FAM86B2: variants seen among roughly 807,000 people sequenced by gnomAD.
The protein encoded by FAM86B2 is putative protein N-methyltransferase FAM86B2.
A neutral mutation model predicts 26.5 loss-of-function variants in FAM86B2; 1 was observed. The observed-to-expected ratio is 0.04, with a 90% CI of 0.01 to 0.18. The LOEUF is 0.18. FAM86B2 is among the 10% of genes least tolerant of loss of function. The probability of loss-of-function intolerance (pLI) is 1.00; values close to 1 mark genes in which losing one functional copy is unlikely to be tolerated. For synonymous variants in FAM86B2, 11 were observed against 127.8 expected (o/e 0.09, Z 6.17); for missense variants, 43 against 303.5 (o/e 0.14, Z 6.38).
At chr8:12,426,257 C>A (rs1469699065) in intron 7 of FAM86B2, among the ~76,000 whole-genome samples, 26 of 147,004 alleles carry the variant, frequency 1.8e-4, no homozygotes, top group Admixed American at 1.4e-4. Context: ...CACAGCAGGA[C>A]AGAAGCAGAG....
At chr8:12,428,406 G>A (rs1419984786) in intron 6 of FAM86B2, among the ~76,000 whole-genome samples, 15 of 152,184 alleles carry the variant, frequency 9.9e-5, no homozygotes, top group East Asian at 3.9e-4. Flanking sequence ...ATGTGGTGAC[G>A]ACTGTAACGG....
rs1812550236 is a variant in FAM86B2, at chr8:12,424,618, C to G, written c.*1271G>C. ...AGGGTGCTCACAGGGGAACGTACAG[C>G]ATGTAGAGGCCGGAAGGTGCTCCAG... On this transcript the variant is annotated 3_prime_UTR_variant, in exon 8 of 8. Transcript: ENST00000262365. Among the ~76,000 whole-genome samples the G allele has an allele frequency of 7.3e-6, 1 of 136,082 alleles. No individual in the cohort carries two copies. Among genetic ancestry groups the G allele is most frequent in the Non-Finnish European group, 1.6e-5 (1 of 62,078 alleles). 89.3% of individuals were successfully genotyped at this position (136,082 alleles called of 152,430 possible).
chr8:12,428,217 G>T (rs1201136085), intron 6 of FAM86B2, among the ~76,000 whole-genome samples: 3 of 137,730 alleles, frequency 2.2e-5, no homozygotes, highest in African/African-American at 7.9e-5. Context: ...TGGGACCCAG[G>T]ACTACAGGCA....
At position 12,424,986 on chromosome 8, in the gene FAM86B2, TG is replaced by T; in HGVS notation, c.*902del. The T allele has an allele frequency of 6.9e-7, 1 of 1,444,904 alleles. No individual in the cohort carries two copies. The highest frequency in any genetic ancestry group is 9.4e-7 in the Non-Finnish European group (1 of 1,061,000). The allele number at this position is 1,444,904 out of a possible 1,614,324, so 89.5% of individuals were successfully genotyped here. A position where few individuals can be genotyped will look rare whatever the true frequency, so the allele number is the denominator to read the frequency against. Reference sequence around the variant, plus strand: ...AGCTGGGTGCAGACTGTGCTCCCTTTGGTTATGGACACATAACTCCTGGGCC... The same window carrying T: ...AGCTGGGTGCAGACTGTGCTCCCTTTGTTATGGACACATAACTCCTGGGCC... On this transcript the variant is annotated 3_prime_UTR_variant, in exon 8 of 8. Transcript: ENST00000262365.
At chr8:12,429,487 ATTTT>A (rs146683582) in intron 4 of FAM86B2, among the ~76,000 whole-genome samples, 11 of 78,084 alleles carry the variant, frequency 1.4e-4, no homozygotes, top group African/African-American at 5.3e-4. Context: ...GTTTTATCTC[ATTTT>A]TTTTTTTTTG....
intron 7 of FAM86B2, among the ~76,000 whole-genome samples, chr8:12,426,434 T>G (rs1194342167): frequency 8.7e-5 from 12 of 137,490 alleles, no homozygotes; most frequent in Admixed American, 2.2e-4. Flanking sequence ...ATATTGCAGG[T>G]TTTTTTTCAC....
chr8:12,434,761 A>G (rs572157545), intron 1 of FAM86B2, among the ~76,000 whole-genome samples: 82 of 145,554 alleles, frequency 5.6e-4, no homozygotes, highest in African/African-American at 2.1e-3. Flanking sequence ...GGGCCTTTGC[A>G]TATCTTGTTC....
At chr8:12,428,299 C>T (rs3988752) in intron 6 of FAM86B2, among the ~76,000 whole-genome samples, 2 of 148,350 alleles carry the variant, frequency 1.3e-5, no homozygotes, top group South Asian at 2.2e-4. Flanking sequence ...CCCAGCCAAA[C>T]AGCACCTTCT....
intron 6 of FAM86B2, among the ~76,000 whole-genome samples, chr8:12,428,289 C>T (rs1193305007): frequency 4.8e-5 from 7 of 146,890 alleles, no homozygotes; most frequent in South Asian, 2.3e-4. Flanking sequence ...TTTTCGGTGG[C>T]CCAGCCAAAC....
intron 1 of FAM86B2, among the ~76,000 whole-genome samples, chr8:12,434,702 G>A (rs1798509919): frequency 7.0e-6 from 1 of 142,884 alleles, no homozygotes; most frequent in Non-Finnish European, 1.5e-5. Context: ...CAGCCACACT[G>A]GCTGCCTTGC....
intron 1 of FAM86B2, among the ~76,000 whole-genome samples, chr8:12,435,257 G>A (rs1269026690): frequency 1.6e-5 from 2 of 121,406 alleles, no homozygotes; most frequent in Admixed American, 8.5e-5. Context: ...GCCAGGATTC[G>A]AAGCAGGCAG....
At position 12,424,941 on chromosome 8, in the gene FAM86B2, A is replaced by ATCCCATCAGAGCTGCTGAGACTCTT; in HGVS notation, c.*947_*948insAAGAGTCTCAGCAGCTCTGATGGGA. The ATCCCATCAGAGCTGCTGAGACTCTT allele has an allele frequency of 6.5e-7, 1 of 1,547,624 alleles. No homozygotes were observed. Among genetic ancestry groups the ATCCCATCAGAGCTGCTGAGACTCTT allele is most frequent in the Non-Finnish European group, 8.7e-7 (1 of 1,145,060 alleles). ...TTCTGGAAGAACCTGCAAGAGTCTC[A>ATCCCATCAGAGCTGCTGAGACTCTT]GCAGCTCTGATGGGATGAGAGCTGG... On this transcript the variant is annotated 3_prime_UTR_variant, in exon 8 of 8. Coordinates refer to ENST00000262365, the MANE Select transcript of FAM86B2 (RefSeq NM_001137610.3).
In FAM86B2 at chr8:12,425,789, C is replaced by T; in HGVS notation, c.*100G>A. 2 of 176,322 alleles carry T rather than the reference C, an allele frequency of 1.1e-5. No individual in the cohort carries two copies. The highest frequency in any genetic ancestry group is 8.3e-5 in the South Asian group (2 of 24,054). The allele number at this position is 176,322 out of a possible 1,614,324, so 10.9% of individuals were successfully genotyped here. ...GATTTGGAGTTTAATAATCTCCAAA[C>T]ATTCCAGTCCAATGAAAGTTTTATC... On this transcript the variant is annotated 3_prime_UTR_variant, in exon 8 of 8. Coordinates refer to ENST00000262365, the MANE Select transcript of FAM86B2 (RefSeq NM_001137610.3).
At chr8:12,434,800 C>T (rs1216062096) in intron 1 of FAM86B2, among the ~76,000 whole-genome samples, 1 of 146,436 alleles carries the variant, frequency 6.8e-6, no homozygotes, top group Non-Finnish European at 1.5e-5. Flanking sequence ...CTGGCTGCTT[C>T]ACCACTCAGG....
chr8:12,434,921 G>A (rs1178104396), intron 1 of FAM86B2, among the ~76,000 whole-genome samples: 1 of 151,686 alleles, frequency 6.6e-6, no homozygotes, highest in African/African-American at 2.4e-5. Flanking sequence ...TGGCTTTAAA[G>A]CCACTCTCAT....
chr8:12,427,715 G>C lies in FAM86B2; in HGVS notation c.834C>G (p.Val278=). 4.6e-6 allele frequency: 5 copies of C among 1,095,296 alleles called. 1 individual carries two copies. Among genetic ancestry groups the C allele is most frequent in the Non-Finnish European group, 6.3e-6 (5 of 798,546 alleles). The allele number at this position is 1,095,296 out of a possible 1,614,324, so 67.8% of individuals were successfully genotyped here. A position where few individuals can be genotyped will look rare whatever the true frequency, so the allele number is the denominator to read the frequency against. Residue 278 remains valine, a synonymous_variant, in exon 7 of 8, where the codon GTC becomes GTG. Transcript: ENST00000262365. ...ACREHKRAPE[V]YVAFTVRNPE... The stretch of plus-strand genomic sequence containing the variant: ...GGTTGCGGACGGTAAAGGCCACGTA[G>C]ACCTCAGGAGCCCGCTTGTGCTCCC...
Position 12,424,723 on chromosome 8 carries a change from G to A in FAM86B2, c.*1166C>T, listed in dbSNP as rs1270005260. 7.4e-6 allele frequency: 3 copies of A among 402,810 alleles called. No homozygotes were observed. Among genetic ancestry groups the A allele is most frequent in the African/African-American group, 6.2e-5 (3 of 48,632 alleles). The allele number at this position is 402,810 out of a possible 1,614,324, so 25.0% of individuals were successfully genotyped here. ...TCAAGTTGGAGGTGGAGCGCTGCTG[G>A]GTTGTGAAGGGTCTCAAGTCCAAGT... On this transcript the variant is annotated 3_prime_UTR_variant, in exon 8 of 8. Coordinates refer to ENST00000262365, the MANE Select transcript of FAM86B2 (RefSeq NM_001137610.3).
intron 7 of FAM86B2, among the ~76,000 whole-genome samples, chr8:12,426,473 T>TA (rs1812652143): frequency 1.2e-4 from 1 of 8,130 alleles, no homozygotes; most frequent in African/African-American, 5.0e-4. Context: ...ACTTCCTTTT[T>TA]TTTTTTTTTT....
Position 12,427,684 on chromosome 8 carries a change from T to C in FAM86B2, c.865A>G (p.Thr289Ala). ...AGCTCGGTGGTGAACAGCTGGCATGTCTCTGGGTTGCGGACGGTAAAGGCC... is the reference window on the plus strand; with the variant it reads ...AGCTCGGTGGTGAACAGCTGGCATGCCTCTGGGTTGCGGACGGTAAAGGCC... The part of the protein sequence containing the change: ...YVAFTVRNPE[T>A]CQLFTTELGR... The change falls in exon 7 of 8, where the codon ACA becomes GCA. Residue 289 changes from threonine (T) to alanine (A), a missense_variant. Coordinates refer to ENST00000262365, the MANE Select transcript of FAM86B2 (RefSeq NM_001137610.3). The C allele has an allele frequency of 1.8e-6, 2 of 1,102,052 alleles. 1 individual carries two copies. The highest frequency in any genetic ancestry group is 2.5e-6 in the Non-Finnish European group (2 of 800,914). 68.3% of individuals were successfully genotyped at this position (1,102,052 alleles called of 1,614,324 possible).
Sources: allele counts gnomAD v4.1 joint callset (sites outside exome capture counted in the v4.1 genomes callset), GRCh38; gene constraint gnomAD v4.1.1; transcripts MANE v1.5; gene names NCBI Gene and HGNC (gene_info 2026-07-23, HGNC 2026-07-21).